Variants in TLE4 observed in about 807,000 individuals in gnomAD.
TLE4 encodes TLE family member 4, transcriptional corepressor.
Under a neutral mutation model 92.8 loss-of-function variants are expected in TLE4, and 8 were observed. The ratio of observed to expected loss-of-function variants is 0.09; its 90% CI spans 0.05 to 0.16. The LOEUF (loss-of-function observed/expected upper bound fraction) is 0.16. Among genes scored for constraint, TLE4 ranks in the 10% least tolerant of loss-of-function variants. The pLI is 1.00. For missense variants in TLE4, 675 were observed against 997.6 expected, an observed-to-expected ratio of 0.68 and a Z score of 4.36; for synonymous variants, 371 against 374.1, an observed-to-expected ratio of 0.99 and a Z score of 0.10.
chr9:79,604,266 G>A (rs955814693), intron 4 of TLE4, among the ~76,000 whole-genome samples: 2 of 152,148 alleles, frequency 1.3e-5, no homozygotes, highest in Admixed American at 6.5e-5. Context: ...ATGCTAGGAA[G>A]AGGGACTGTC....
chr9:79,682,017 T>C (rs932997537), intron 8 of TLE4, among the ~76,000 whole-genome samples: 1 of 152,104 alleles, frequency 6.6e-6, no homozygotes, highest in Non-Finnish European at 1.5e-5. Flanking sequence ...AACCTGTTAT[T>C]GTTAAGATGT....
chr9:79,677,937 G>A (rs1320018277), intron 8 of TLE4, among the ~76,000 whole-genome samples: 6 of 152,184 alleles, frequency 3.9e-5, no homozygotes, highest in African/African-American at 9.6e-5. Flanking sequence ...TACTTCTGGC[G>A]TAATTTCTCT....
Position 79,572,253 on chromosome 9 carries a change from AAAT to A in TLE4, c.-537_-535del, listed in dbSNP as rs1380935397. The stretch of plus-strand genomic sequence containing the variant: ...AAAGATCGTTGCTGTGAAGTGAAAA[AAAT>A]CTCCAGAGAAACCAAAAAGCACCGC... On this transcript the variant is annotated 5_prime_UTR_variant, in exon 1 of 20. Transcript: ENST00000376552. 1 of 152,232 alleles carries A rather than the reference AAAT, an allele frequency of 6.6e-6. No individual in the cohort carries two copies. The highest frequency in any genetic ancestry group is 2.4e-5 in the African/African-American group (1 of 41,472). The allele number at this position is 152,232 out of a possible 1,614,324, so 9.4% of individuals were successfully genotyped here.
At chr9:79,634,856 A>G (rs977969146) in intron 6 of TLE4, among the ~76,000 whole-genome samples, 1 of 152,160 alleles carries the variant, frequency 6.6e-6, no homozygotes, top group East Asian at 1.9e-4. Flanking sequence ...CTGATATTCT[A>G]TTGTATGGAT....
rs183018178 is a variant in TLE4, at chr9:79,721,117, C to G, written c.1839-624C>G. The stretch of plus-strand genomic sequence containing the variant: ...ACCTATAGATCCCAAAACAAATCAT[C>G]ACTTTCATTGCTTATCAGGCAGCCT... On this transcript the variant is annotated intron_variant, in intron 16 of 19. Transcript: ENST00000376552. 3.9e-5 allele frequency among the ~76,000 whole-genome samples: 6 copies of G among 152,324 alleles called. No homozygotes were observed. The East Asian group carries it at 1.2e-3, about 29-fold the overall frequency.
chr9:79,701,515 A>G (rs1030673485), intron 8 of TLE4, among the ~76,000 whole-genome samples: 3 of 152,250 alleles, frequency 2.0e-5, no homozygotes, highest in East Asian at 1.9e-4. Flanking sequence ...TCAATAGAAT[A>G]TAGCAGAATC....
rs115073255 is a variant in TLE4 at position 79,589,222 on chromosome 9, C to T, written c.252+13045C>T. On this transcript the variant is annotated intron_variant, in intron 4 of 19. Coordinates refer to ENST00000376552, the MANE Select transcript of TLE4 (RefSeq NM_007005.6). ...AGTTATAGGTTTGGGGCATAATGAC[C>T]TCTTTGAGTAGAGAAAGGCCAAGTA... 3.3e-3 allele frequency among the ~76,000 whole-genome samples: 509 copies of T among 152,274 alleles called. 3 individuals are homozygous for T. Among genetic ancestry groups the T allele is most frequent in the African/African-American group, 0.011 (471 of 41,566 alleles).
intron 8 of TLE4, among the ~76,000 whole-genome samples, chr9:79,695,062 C>T (rs141130770): frequency 6.7e-4 from 102 of 152,212 alleles, no homozygotes; most frequent in African/African-American, 2.3e-3. Context: ...TGAAAACTTT[C>T]CCTCTTATAG....
chr9:79,640,871 G>A (rs1211058820), intron 6 of TLE4, among the ~76,000 whole-genome samples: 3 of 151,996 alleles, frequency 2.0e-5, no homozygotes, highest in African/African-American at 4.8e-5. Context: ...AGTTTAAGCT[G>A]GTTTACACAC....
intron 5 of TLE4, among the ~76,000 whole-genome samples, chr9:79,621,566 C>T (rs937354129): frequency 3.3e-5 from 5 of 152,066 alleles, no homozygotes; most frequent in Admixed American, 2.6e-4. Context: ...TTGCCTTTCA[C>T]AGGAGGTGAT....
chr9:79,721,857 G>A lies in TLE4; in HGVS notation c.1955G>A (p.Arg652Gln), dbSNP rs773387796. ...AGGTCCTGGGACCTGCGCGAGGGGC[G>A]GCAGCTGCAGCAGCACGACTTCACC... is the stretch of plus-strand genomic sequence containing the variant. ...TVRSWDLREG[R>Q]QLQQHDFTSQ... Residue 652 changes from arginine (R) to glutamine (Q), a missense_variant, in exon 17 of 20, where the codon CGG (arginine) becomes CAG (glutamine). Physicochemically the swap from Arg to Gln is conservative, Grantham distance 43. Around this residue, in one of 5 missense-constraint regions of TLE4, gnomAD observed 170 missense variants for 359.6 expected, o/e 0.47. Coordinates refer to ENST00000376552, the MANE Select transcript of TLE4 (RefSeq NM_007005.6). 1 of 1,613,522 alleles carries A rather than the reference G, an allele frequency of 6.2e-7. No individual in the cohort carries two copies. The highest frequency in any genetic ancestry group is 8.5e-7 in the Non-Finnish European group (1 of 1,179,814).
At chr9:79,614,622 CTATT>C (rs2049089850) in intron 5 of TLE4, among the ~76,000 whole-genome samples, 1 of 152,102 alleles carries the variant, frequency 6.6e-6, no homozygotes, top group Admixed American at 6.6e-5. Context: ...TACCACTTAA[CTATT>C]TATTTCCCAA....
intron 6 of TLE4, among the ~76,000 whole-genome samples, chr9:79,638,853 G>A (rs537104766): frequency 6.6e-6 from 1 of 152,180 alleles, no homozygotes; most frequent in South Asian, 2.1e-4. Context: ...CTTCAGAATG[G>A]CCTCTGAGCA....
chr9:79,655,119 C>T (rs1211449483), intron 8 of TLE4, among the ~76,000 whole-genome samples: 6 of 152,032 alleles, frequency 3.9e-5, no homozygotes, highest in East Asian at 1.9e-4. Context: ...TCCACCCTGG[C>T]GACAGAGTGA....
chr9:79,661,247 T>C (rs2095097), intron 8 of TLE4, among the ~76,000 whole-genome samples: 1,691 of 152,302 alleles, frequency 0.011, 38 homozygotes, highest in African/African-American at 0.038. Flanking sequence ...ATTCTTACAG[T>C]AACACTAACC....
Position 79,719,048 on chromosome 9 carries a change from G to A in TLE4, c.1590+77G>A. 3 of 1,539,296 alleles carry A rather than the reference G, an allele frequency of 1.9e-6. No homozygotes were observed. The South Asian group carries it at 3.8e-5, about 19-fold the overall frequency. On this transcript the variant is annotated intron_variant, in intron 15 of 19. Transcript: ENST00000376552. ...GGGCTGATGAGAGAACTGTATGTAT[G>A]AGCAACACCACACAGTATTGATCCC...
At chr9:79,721,327 C>G (rs1252481447) in intron 16 of TLE4, among the ~76,000 whole-genome samples, 1 of 152,196 alleles carries the variant, frequency 6.6e-6, no homozygotes, top group Admixed American at 6.5e-5. Flanking sequence ...CTGGTCCTGT[C>G]GCTCCCTGTG....
intron 4 of TLE4, among the ~76,000 whole-genome samples, chr9:79,581,277 G>A (rs974604143): frequency 2.6e-5 from 4 of 152,192 alleles, no homozygotes; most frequent in Non-Finnish European, 5.9e-5. Context: ...GAAGCACCTT[G>A]GGCAGGACCC....
At chr9:79,651,982 TGTTA>T (rs938981366) in intron 6 of TLE4, among the ~76,000 whole-genome samples, 11 of 152,302 alleles carry the variant, frequency 7.2e-5, no homozygotes, top group African/African-American at 2.4e-4. Context: ...TTATGAGGTT[TGTTA>T]AAGAAATATG....
Sources: gnomAD v4.1 joint callset for allele counts (sites outside exome capture counted in the v4.1 genomes callset) on GRCh38, gnomAD v4.1.1 for gene constraint, gnomAD v4.1.1 regional missense constraint, MANE v1.5 for transcripts, NCBI Gene and HGNC (gene_info 2026-07-23, HGNC 2026-07-21) for gene names.